TMEM132D: variants seen among roughly 807,000 people sequenced by gnomAD.
TMEM132D encodes the protein transmembrane protein 132D.
Under a neutral mutation model 62.3 loss-of-function variants are expected in TMEM132D, and 21 were observed. The ratio of observed to expected loss-of-function variants is 0.34; its 90% CI spans 0.24 to 0.49. The LOEUF (loss-of-function observed/expected upper bound fraction) is 0.49, where lower values mean the gene tolerates loss of function less well. Ranked by LOEUF, TMEM132D falls within the 20% of genes least tolerant of loss-of-function variation. The pLI is 0.99. For missense variants in TMEM132D, 1,346 were observed against 1,402.8 expected, an observed-to-expected ratio of 0.96 and a Z score of 0.65; for synonymous variants, 621 against 575.6, an observed-to-expected ratio of 1.08 and a Z score of -1.13.
At chr12:129,849,399 G>C (rs1465143311) in intron 1 of TMEM132D, among the ~76,000 whole-genome samples, 1 of 152,156 alleles carries the variant, frequency 6.6e-6, no homozygotes, top group Non-Finnish European at 1.5e-5. Context: ...CGCTTAGTTT[G>C]AGTCATCAAT....
intron 4 of TMEM132D, among the ~76,000 whole-genome samples, chr12:129,225,888 T>C (rs751912861): frequency 6.7e-4 from 102 of 152,300 alleles, no homozygotes; most frequent in Non-Finnish European, 1.2e-3. Flanking sequence ...CCACTCACAG[T>C]GTGAGCATCT....
At chr12:129,513,594 C>T (rs1357624355) in intron 3 of TMEM132D, among the ~76,000 whole-genome samples, 2 of 151,084 alleles carry the variant, frequency 1.3e-5, no homozygotes, top group Non-Finnish European at 1.5e-5. Context: ...ACGCCATTCT[C>T]CTGCCTCAGC....
At chr12:129,824,245 T>C (rs777694961) in intron 1 of TMEM132D, among the ~76,000 whole-genome samples, 1 of 152,178 alleles carries the variant, frequency 6.6e-6, no homozygotes, top group Non-Finnish European at 1.5e-5. Context: ...TCAACTTTAT[T>C]CCATCAAATC....
intron 4 of TMEM132D, among the ~76,000 whole-genome samples, chr12:129,336,080 C>T (rs1029583854): frequency 6.6e-6 from 1 of 152,184 alleles, no homozygotes; most frequent in Non-Finnish European, 1.5e-5. Flanking sequence ...GAACACCAAA[C>T]CAGCCCTAGA....
intron 3 of TMEM132D, among the ~76,000 whole-genome samples, chr12:129,516,495 G>A (rs1875685114): frequency 6.6e-6 from 1 of 152,182 alleles, no homozygotes; most frequent in Non-Finnish European, 1.5e-5. Flanking sequence ...GCAGACAGGA[G>A]AGAAAATGAG....
At chr12:129,445,941 A>G (rs1400564499) in intron 3 of TMEM132D, among the ~76,000 whole-genome samples, 1 of 152,110 alleles carries the variant, frequency 6.6e-6, no homozygotes, top group Non-Finnish European at 1.5e-5. Context: ...TCCTCAGCGT[A>G]TCCCCGGGGA....
At chr12:129,359,206 A>T (rs749443010) in intron 3 of TMEM132D, among the ~76,000 whole-genome samples, 1 of 152,188 alleles carries the variant, frequency 6.6e-6, no homozygotes, top group Admixed American at 6.5e-5. Flanking sequence ...CACTAATATG[A>T]AACATCAACA....
rs577494558 is a variant in TMEM132D at position 129,236,227 on chromosome 12, G to A, written c.1300-26564C>T. On this transcript the variant is annotated intron_variant, in intron 4 of 8. Coordinates refer to ENST00000422113, the MANE Select transcript of TMEM132D (RefSeq NM_133448.3). ...TTTCTTTTTCAGATAGTTCAGTATT[G>A]GTGTATGGGCCGGGTGCAGTGGCTC... is the stretch of plus-strand genomic sequence containing the variant. 4.0e-5 allele frequency among the ~76,000 whole-genome samples: 6 copies of A among 150,800 alleles called. No homozygotes were observed. In the South Asian group the frequency reaches 1.1e-3, roughly 27 times the overall value.
chr12:129,233,041 CCATT>C (rs753422898), intron 4 of TMEM132D, among the ~76,000 whole-genome samples: 4 of 152,150 alleles, frequency 2.6e-5, no homozygotes, highest in Non-Finnish European at 4.4e-5. Flanking sequence ...TGTCACCTCC[CCATT>C]CAATCTCCAC....
rs1015435288 is a variant in TMEM132D, at chr12:129,868,057, G to A, written c.79+35204C>T. Among the ~76,000 whole-genome samples the A allele has an allele frequency of 3.3e-5, 5 of 151,888 alleles. No homozygotes were observed. The South Asian group carries it at 6.3e-4, about 19-fold the overall frequency. ...TTCTATGGTACACACATGAGACAGC[G>A]TTTCTATGGTACACACATGAGGCAG... On this transcript the variant is annotated intron_variant, in intron 1 of 8. Coordinates refer to ENST00000422113, the MANE Select transcript of TMEM132D (RefSeq NM_133448.3).
intron 2 of TMEM132D, among the ~76,000 whole-genome samples, chr12:129,677,531 T>C (rs1317065214): frequency 1.3e-5 from 2 of 152,258 alleles, no homozygotes; most frequent in Non-Finnish European, 1.5e-5. Flanking sequence ...TTTCTATCTC[T>C]GGTAAGTGAC....
chr12:129,557,980 G>A (rs1036415961), intron 2 of TMEM132D, among the ~76,000 whole-genome samples: 1 of 152,098 alleles, frequency 6.6e-6, no homozygotes, highest in Non-Finnish European at 1.5e-5. Flanking sequence ...ATATTTTAAA[G>A]AGCAATTACT....
chr12:129,267,878 T>C lies in TMEM132D; in HGVS notation c.1300-58215A>G, dbSNP rs897855088. Among the ~76,000 whole-genome samples the C allele has an allele frequency of 3.2e-4, 48 of 152,222 alleles. 1 individual carries two copies. The highest frequency in any genetic ancestry group is 3.9e-4 in the East Asian group (2 of 5,176). On this transcript the variant is annotated intron_variant, in intron 4 of 8. Transcript: ENST00000422113. ...AGAACAGAGCCCTCAGAAATAATGC[T>C]GCATATCTACAACTATCTGATCTTT...
At chr12:129,670,496 A>G (rs1321607092) in intron 2 of TMEM132D, among the ~76,000 whole-genome samples, 2 of 151,794 alleles carry the variant, frequency 1.3e-5, no homozygotes, top group African/African-American at 2.4e-5. Context: ...GCCCCCACCC[A>G]GGAACTGACT....
chr12:129,441,256 C>A (rs1178973933), intron 3 of TMEM132D, among the ~76,000 whole-genome samples: 1 of 152,224 alleles, frequency 6.6e-6, no homozygotes, highest in African/African-American at 2.4e-5. Flanking sequence ...AGTGCAGGAT[C>A]ATTTCTCCAT....
chr12:129,380,712 C>T (rs1400061317), intron 3 of TMEM132D, among the ~76,000 whole-genome samples: 1 of 152,098 alleles, frequency 6.6e-6, no homozygotes, highest in Non-Finnish European at 1.5e-5. Flanking sequence ...TCACCTCGCC[C>T]TCTCCTGTCC....
chr12:129,476,097 G>A (rs1874248553), intron 3 of TMEM132D, among the ~76,000 whole-genome samples: 2 of 152,190 alleles, frequency 1.3e-5, no homozygotes, highest in African/African-American at 2.4e-5. Context: ...TCCACACTGT[G>A]GGGGGTTTAG....
At chr12:129,433,954 A>G (rs571737416) in intron 3 of TMEM132D, among the ~76,000 whole-genome samples, 3 of 152,218 alleles carry the variant, frequency 2.0e-5, no homozygotes, top group Non-Finnish European at 4.4e-5. Context: ...AGAGAAATTG[A>G]TATTTCTCGC....
chr12:129,605,435 T>C (rs1382386350), intron 2 of TMEM132D, among the ~76,000 whole-genome samples: 1 of 151,680 alleles, frequency 6.6e-6, no homozygotes, highest in Non-Finnish European at 1.5e-5. Flanking sequence ...CTCTCTCACA[T>C]CCAGGAAAAA....
Sources: gnomAD v4.1 joint callset for allele counts (sites outside exome capture counted in the v4.1 genomes callset) on GRCh38, gnomAD v4.1.1 for gene constraint, MANE v1.5 for transcripts, NCBI Gene and HGNC (gene_info 2026-07-23, HGNC 2026-07-21) for gene names.